Variants in FAM227B observed in about 807,000 individuals in gnomAD.
FAM227B encodes the protein protein FAM227B.
FAM227B carries 88 observed loss-of-function variants against 73.8 expected under a neutral mutation model. The observed-to-expected ratio is 1.19, with a 90% CI of 1.00 to 1.42. FAM227B has a LOEUF of 1.42. Ranked by LOEUF, FAM227B falls within the 40% of genes most tolerant of loss-of-function variation. The pLI, the probability that FAM227B is intolerant of heterozygous loss-of-function variation, is 0.00. For missense variants in FAM227B, 632 were observed against 590.9 expected, an observed-to-expected ratio of 1.07 and a Z score of -0.72; for synonymous variants, 210 against 190.5, an observed-to-expected ratio of 1.10 and a Z score of -0.84.
In FAM227B at chr15:49,422,440, T is replaced by C. The variant is rs1160965769; in HGVS notation, c.1013-51041A>G. On this transcript the variant is annotated intron_variant, in intron 11 of 15. Transcript: ENST00000299338. ...AACATTTATTGTTCCAATATTCTTA[T>C]TGAGGCAAAAATCAAACACTGATAA... The C allele has an allele frequency of 2.1e-5, 18 of 851,966 alleles. No homozygotes were observed. The Middle Eastern group carries it at 9.5e-4, about 45-fold the overall frequency. The allele number at this position is 851,966 out of a possible 1,614,324, so 52.8% of individuals were successfully genotyped here. A position where few individuals can be genotyped will look rare whatever the true frequency, so the allele number is the denominator to read the frequency against.
At chr15:49,586,556 A>C (rs990391965) in intron 5 of FAM227B, among the ~76,000 whole-genome samples, 1 of 152,206 alleles carries the variant, frequency 6.6e-6, no homozygotes, top group African/African-American at 2.4e-5. Flanking sequence ...AATTGAACTA[A>C]AGAGCTTCTG....
At chr15:49,459,494 T>G (rs1233819439) in intron 11 of FAM227B, among the ~76,000 whole-genome samples, 1 of 152,198 alleles carries the variant, frequency 6.6e-6, no homozygotes, top group Admixed American at 6.6e-5. Context: ...ATTTTTTAAA[T>G]GAACCTGCAT....
chr15:49,377,566 G>C (rs1057101400), intron 11 of FAM227B, among the ~76,000 whole-genome samples: 2 of 152,046 alleles, frequency 1.3e-5, no homozygotes, highest in South Asian at 4.1e-4. Flanking sequence ...AGTGGGGTGA[G>C]ATGGTATCTC....
intron 11 of FAM227B, among the ~76,000 whole-genome samples, chr15:49,385,647 A>C (rs1014452528): frequency 6.6e-6 from 1 of 151,746 alleles, no homozygotes; most frequent in Non-Finnish European, 1.5e-5. Context: ...ACAGCACCTT[A>C]CATCTCAATA....
At chr15:49,620,027 T>C (rs1001705670) in intron 1 of FAM227B, 1 of 152,174 alleles carries the variant, frequency 6.6e-6, no homozygotes, top group Non-Finnish European at 1.5e-5. Flanking sequence ...TTTAAAGAGA[T>C]TTCCTTGCTT....
rs140973601 is a variant in FAM227B at position 49,615,137 on chromosome 15, C to G, written c.35G>C (p.Ser12Thr). 2.5e-6 allele frequency: 4 copies of G among 1,614,074 alleles called. No homozygotes were observed. Residue 12 changes from serine (S) to threonine (T), a missense_variant, in exon 2 of 16, where the codon AGC becomes ACC. Ser to Thr is a moderately conservative substitution (Grantham distance 58). Transcript: ENST00000299338. ...CTTCCTTACCCCGGGGCCAGCTCTG[C>G]TGCTCCTCCTTTGACATGTTCGTTG... ...AGQRTCQRRSSRAGPGKMQEP... is the reference protein window; with the variant it reads ...AGQRTCQRRSTRAGPGKMQEP...
chr15:49,601,136 C>T (rs1382299953), intron 3 of FAM227B, among the ~76,000 whole-genome samples: 1 of 147,916 alleles, frequency 6.8e-6, no homozygotes, highest in Non-Finnish European at 1.5e-5. Flanking sequence ...CGGTTTTTGC[C>T]ATCACTTTTA....
At chr15:49,596,234 G>C (rs1471545157) in intron 3 of FAM227B, among the ~76,000 whole-genome samples, 2 of 151,920 alleles carry the variant, frequency 1.3e-5, no homozygotes, top group Non-Finnish European at 2.9e-5. Flanking sequence ...GTAACCTATA[G>C]AGGAAAACCT....
At chr15:49,577,851 A>T (rs1320480009) in intron 5 of FAM227B, among the ~76,000 whole-genome samples, 187 bp from the exon 6 acceptor site, 1 of 152,202 alleles carries the variant, frequency 6.6e-6, no homozygotes, top group African/African-American at 2.4e-5. Context: ...CCCTCAAACT[A>T]GTTATGGTTC....
chr15:49,616,522 G>C (rs922297810), intron 1 of FAM227B, among the ~76,000 whole-genome samples: 1 of 152,040 alleles, frequency 6.6e-6, no homozygotes, highest in African/African-American at 2.4e-5. Context: ...TAAGAGAAGA[G>C]GCTTTGTAAG....
chr15:49,604,610 T>C (rs1218092904), intron 3 of FAM227B, among the ~76,000 whole-genome samples: 1 of 152,092 alleles, frequency 6.6e-6, no homozygotes, highest in Non-Finnish European at 1.5e-5. Flanking sequence ...TAGGAATATT[T>C]CTATCATTCT....
At chr15:49,554,774 G>GT (rs1019246344) in intron 9 of FAM227B, among the ~76,000 whole-genome samples, 117 of 152,148 alleles carry the variant, frequency 7.7e-4, no homozygotes, top group African/African-American at 2.7e-3. Context: ...CCTGATTTTT[G>GT]TTTTTTTATG....
intron 11 of FAM227B, among the ~76,000 whole-genome samples, chr15:49,439,464 A>C (rs968435602): frequency 1.3e-5 from 2 of 151,798 alleles, no homozygotes; most frequent in African/African-American, 4.8e-5. Flanking sequence ...GTGAATAGTG[A>C]ATACTAAGTG....
intron 13 of FAM227B, among the ~76,000 whole-genome samples, chr15:49,357,036 C>G (rs1189508731): frequency 1.3e-5 from 2 of 151,182 alleles, no homozygotes; most frequent in East Asian, 3.9e-4. Context: ...TTGAAACCAA[C>G]GAGAACAAAG....
chr15:49,427,822 G>A (rs1037709448), intron 11 of FAM227B, among the ~76,000 whole-genome samples: 6 of 151,908 alleles, frequency 3.9e-5, no homozygotes, highest in Middle Eastern at 3.2e-3. Context: ...TTTTGGGCTC[G>A]GGTAGATGGT....
intron 11 of FAM227B, chr15:49,423,536 T>C (rs2049869181): frequency 6.6e-6 from 1 of 152,050 alleles, no homozygotes; most frequent in Admixed American, 6.6e-5. Flanking sequence ...AAAGTAAAGT[T>C]ACAAGATTTT....
chr15:49,505,019 G>C (rs1255542421), intron 11 of FAM227B, among the ~76,000 whole-genome samples: 5 of 152,176 alleles, frequency 3.3e-5, no homozygotes, highest in East Asian at 1.9e-4. Flanking sequence ...AAGATGAATG[G>C]ATAAACAAAT....
intron 9 of FAM227B, among the ~76,000 whole-genome samples, chr15:49,552,741 A>G (rs2073185039): frequency 4.6e-5 from 7 of 151,712 alleles, no homozygotes; most frequent in Admixed American, 3.9e-4. Context: ...CTTCTGCTTG[A>G]TCCATTCTGC....
chr15:49,573,484 G>C lies in FAM227B; in HGVS notation c.645+1527C>G, dbSNP rs551280749. 6.6e-5 allele frequency among the ~76,000 whole-genome samples: 10 copies of C among 152,286 alleles called. No individual in the cohort carries two copies. In the South Asian group the frequency reaches 2.1e-3, roughly 32 times the overall value. Reference sequence around the variant, plus strand: ...CCAATGCAGTGGTGTTGGGAGATGAGGCCTAATGGGAGGTGTTTGGGTCTT... The same window carrying C: ...CCAATGCAGTGGTGTTGGGAGATGACGCCTAATGGGAGGTGTTTGGGTCTT... On this transcript the variant is annotated intron_variant, in intron 8 of 15. Coordinates refer to ENST00000299338, the MANE Select transcript of FAM227B (RefSeq NM_152647.3).
Sources: allele counts gnomAD v4.1 joint callset (sites outside exome capture counted in the v4.1 genomes callset), GRCh38; gene constraint gnomAD v4.1.1; transcripts MANE v1.5; gene names NCBI Gene and HGNC (gene_info 2026-07-23, HGNC 2026-07-21).